The following POLA1 variants were observed in gnomAD, a reference collection of about 807,000 sequenced individuals.
POLA1 encodes the protein DNA polymerase alpha 1, catalytic subunit, also known as DNA polymerase alpha catalytic subunit.
Under a neutral mutation model 124.0 loss-of-function variants are expected in POLA1, and 15 were observed. The observed-to-expected ratio is 0.12, with a 90% CI of 0.08 to 0.19. POLA1 has a LOEUF of 0.19. Ranked by LOEUF, POLA1 falls within the 10% of genes least tolerant of loss-of-function variation. The pLI, the probability that POLA1 is intolerant of heterozygous loss-of-function variation, is 1.00. For synonymous variants in POLA1, 408 were observed against 389.4 expected, an observed-to-expected ratio of 1.05 and a Z score of -0.56; for missense variants, 886 against 1,103.4, an observed-to-expected ratio of 0.80 and a Z score of 2.79.
intron 35 of POLA1, among the ~76,000 whole-genome samples, chrX:24,908,164 AT>A (rs966222583): frequency 4.1e-4 from 45 of 110,127 alleles, no homozygotes; most frequent in Non-Finnish European, 6.3e-4. Context: ...CCCCAAAATG[AT>A]TTTTTTTTAA....
chrX:24,737,045 TAG>T (rs1415840966), intron 18 of POLA1, among the ~76,000 whole-genome samples: 1 of 112,380 alleles, frequency 8.9e-6, no homozygotes, highest in Admixed American at 9.4e-5. Context: ...CTACTCTATA[TAG>T]TTTTGTTTCT....
intron 26 of POLA1, among the ~76,000 whole-genome samples, chrX:24,758,820 C>T (rs1369071148): frequency 1.8e-5 from 2 of 111,980 alleles, no homozygotes; most frequent in African/African-American, 6.5e-5. Context: ...GCTGGGACTA[C>T]AGGCACCCGC....
chrX:24,996,923 T>C lies in POLA1; in HGVS notation c.*973T>C, dbSNP rs1390857337. ...TGTTTTTAAAAAACATTGACCTGTG[T>C]GTTTTTATAAAAGAAAAAGTATGTT... On this transcript the variant is annotated 3_prime_UTR_variant, in exon 37 of 37. Transcript: ENST00000379068. 8.9e-6 allele frequency: 1 copy of C among 112,232 alleles called. No homozygotes were observed. The highest frequency in any genetic ancestry group is 1.9e-5 in the Non-Finnish European group (1 of 53,324). The allele number at this position is 112,232 out of a possible 1,213,427, so 9.2% of individuals were successfully genotyped here.
intron 36 of POLA1, among the ~76,000 whole-genome samples, chrX:24,940,503 T>G (rs1569369958): frequency 9.0e-6 from 1 of 111,628 alleles, no homozygotes; most frequent in Admixed American, 9.5e-5. Context: ...CATGATGGAA[T>G]GTACTATGAG....
chrX:24,836,777 CTG>C (rs1352906467), intron 32 of POLA1, among the ~76,000 whole-genome samples: 2 of 111,497 alleles, frequency 1.8e-5, no homozygotes, highest in African/African-American at 6.5e-5. Context: ...TATCCGTTAT[CTG>C]AAATGCTTAC....
intron 16 of POLA1, among the ~76,000 whole-genome samples, chrX:24,733,291 G>A (rs1048852930): frequency 1.8e-5 from 2 of 112,261 alleles, no homozygotes; most frequent in African/African-American, 6.5e-5. Context: ...GCAATCATGA[G>A]TTCATTTCAA....
At position 24,700,571 on chromosome X, in the gene POLA1, C is replaced by T. The variant is rs766691492; in HGVS notation, c.168+1022C>T. On this transcript the variant is annotated intron_variant, in intron 2 of 36. Coordinates refer to ENST00000379068, the MANE Select transcript of POLA1 (RefSeq NM_001330360.2). ...TTGCCCAGGCCGGAGTGCAATGGCA[C>T]GATCTTGGTTCACTGCAGCTTCCAC... Among the ~76,000 whole-genome samples the T allele has an allele frequency of 9.5e-4, 106 of 112,037 alleles. 2 individuals are homozygous for T. The highest frequency in any genetic ancestry group is 3.4e-3 in the African/African-American group (104 of 30,873).
rs188337450 is a variant in POLA1 at position 24,947,124 on chromosome X, T to C, written c.4261+16575T>C. 1.6e-3 allele frequency among the ~76,000 whole-genome samples: 174 copies of C among 110,478 alleles called. 1 individual carries two copies. The highest frequency in any genetic ancestry group is 5.5e-3 in the African/African-American group (168 of 30,479). On this transcript the variant is annotated intron_variant, in intron 36 of 36. Transcript: ENST00000379068. Reference sequence around the variant, plus strand: ...TCAAACTGATGCTCAGTCATATTAGTGGGATTAAGTTTGAAAGTCTAAAAT... The same window carrying C: ...TCAAACTGATGCTCAGTCATATTAGCGGGATTAAGTTTGAAAGTCTAAAAT...
At chrX:24,742,236 G>T (rs1400511727) in intron 22 of POLA1, 115 bp downstream of exon 22, 2 of 607,342 alleles carry the variant, frequency 3.3e-6, no homozygotes, top group Non-Finnish European at 4.8e-6. Context: ...CTAATCCCTT[G>T]TGTACTAAAG....
intron 34 of POLA1, among the ~76,000 whole-genome samples, chrX:24,869,379 C>T (rs1299227938): frequency 8.9e-6 from 1 of 112,361 alleles, no homozygotes; most frequent in Non-Finnish European, 1.9e-5. Flanking sequence ...ATAGGGTGAA[C>T]GGCTTGCCCA....
chrX:24,896,757 A>C (rs2047211202), intron 35 of POLA1, among the ~76,000 whole-genome samples: 1 of 112,404 alleles, frequency 8.9e-6, no homozygotes, highest in Non-Finnish European at 1.9e-5. Flanking sequence ...TAGACTTTTC[A>C]TGGCTGTTAA....
At chrX:24,834,699 A>G (rs1256918853) in intron 32 of POLA1, among the ~76,000 whole-genome samples, 1 of 111,508 alleles carries the variant, frequency 9.0e-6, no homozygotes, top group Non-Finnish European at 1.9e-5. Context: ...AATCTCTTGA[A>G]CCTGGGAGGC....
chrX:24,964,844 C>T (rs889594938), intron 36 of POLA1, among the ~76,000 whole-genome samples: 9 of 112,127 alleles, frequency 8.0e-5, no homozygotes, highest in African/African-American at 2.9e-4. Flanking sequence ...ACTCCTGATG[C>T]TAATTCTGGG....
chrX:24,737,270 G>A (rs1332942175), intron 18 of POLA1, among the ~76,000 whole-genome samples: 1 of 111,783 alleles, frequency 8.9e-6, no homozygotes, highest in African/African-American at 3.3e-5. Context: ...GGAATTATTT[G>A]AATTTAGCTT....
At chrX:24,709,274 G>A (rs1378129884) in intron 4 of POLA1, among the ~76,000 whole-genome samples, 3 of 99,752 alleles carry the variant, frequency 3.0e-5, no homozygotes, top group Non-Finnish European at 6.2e-5. Context: ...CGGACGGCAC[G>A]GCTGGCCAGG....
rs769443370 is a variant in POLA1, at chrX:24,772,863, T to A, written c.2964+23871T>A. On this transcript the variant is annotated intron_variant, in intron 26 of 36. Transcript: ENST00000379068. Reference sequence around the variant, plus strand: ...CCAAAAGGAATATAAATTGTGATATTATAAAGACATGCATGTGTCTGTTCA... The same window carrying A: ...CCAAAAGGAATATAAATTGTGATATAATAAAGACATGCATGTGTCTGTTCA... 7.1e-5 allele frequency among the ~76,000 whole-genome samples: 8 copies of A among 112,030 alleles called. No individual in the cohort carries two copies. In the South Asian group the frequency reaches 3.0e-3, roughly 42 times the overall value.
At chrX:24,738,219 CAAAAAAAAA>C (rs755084911) in intron 19 of POLA1, among the ~76,000 whole-genome samples, 677 of 11,172 alleles carry the variant, frequency 0.061, 10 homozygotes, top group Non-Finnish European at 0.13. Flanking sequence ...GACTCCGTCT[CAAAAAAAAA>C]AAAAAAAAAA....
At chrX:24,773,307 G>A (rs1290548089) in intron 26 of POLA1, among the ~76,000 whole-genome samples, 1 of 112,159 alleles carries the variant, frequency 8.9e-6, no homozygotes, top group Non-Finnish European at 1.9e-5. Context: ...GACACCTTGT[G>A]TGGTGAGGCT....
intron 6 of POLA1, 96 bp from the exon 7 acceptor site, chrX:24,716,266 G>C: frequency 2.1e-6 from 1 of 481,964 alleles, no homozygotes; most frequent in South Asian, 3.5e-5. Context: ...AGAAAAGAAA[G>C]CTTTGCTTAT....
Sources: allele counts gnomAD v4.1 joint callset (sites outside exome capture counted in the v4.1 genomes callset), GRCh38; gene constraint gnomAD v4.1.1; transcripts MANE v1.5; gene names NCBI Gene and HGNC (gene_info 2026-07-23, HGNC 2026-07-21).